DCAF12: variants seen among roughly 807,000 people sequenced by gnomAD.
DCAF12 encodes DDB1 and CUL4 associated factor 12.
In DCAF12, 28 loss-of-function variants were observed where a neutral mutation model predicts 52.8. The observed-to-expected ratio is 0.53, with a 90% CI of 0.39 to 0.73. The LOEUF (loss-of-function observed/expected upper bound fraction) is 0.73. DCAF12 is among the 30% of genes least tolerant of loss of function. The pLI, the probability that DCAF12 is intolerant of heterozygous loss-of-function variation, is 0.00. For missense variants in DCAF12, 425 were observed against 552.2 expected (o/e 0.77, Z 2.31); for synonymous variants, 196 against 215.5 (o/e 0.91, Z 0.79).
rs763341102 is a variant in DCAF12 at position 34,126,369 on chromosome 9, G to C, written c.63C>G (p.Asp21Glu). Residue 21 changes from aspartate (D) to glutamate (E), a missense_variant, in exon 1 of 9, where the codon GAC becomes GAG. By Grantham distance (45) the Asp-to-Glu change is conservative. This residue lies in a region of DCAF12 where 89 missense variants were observed against 84.9 expected (regional missense o/e 1.05). Transcript: ENST00000361264. ...CAACCCTCACCTGCGGGCCCTGAGC[G>C]TCGCTCCCAGCTCCCGGCGAGGCGG... ...KAPASPGAGS[D>E]AQGPQFGWDH... The C allele has an allele frequency of 5.0e-6, 8 of 1,612,320 alleles. No homozygotes were observed. The highest frequency in any genetic ancestry group is 2.2e-5 in the South Asian group (2 of 91,030).
intron 4 of DCAF12, among the ~76,000 whole-genome samples, chr9:34,104,863 A>T (rs1828880064): frequency 6.6e-6 from 1 of 150,632 alleles, no homozygotes; most frequent in Admixed American, 6.6e-5. Flanking sequence ...GGTTGCAGTG[A>T]GCCAAGATTG....
At chr9:34,099,175 C>CAA (rs1828788292) in intron 4 of DCAF12, among the ~76,000 whole-genome samples, 1 of 152,034 alleles carries the variant, frequency 6.6e-6, no homozygotes, top group African/African-American at 2.4e-5. Flanking sequence ...TCTAGCGATT[C>CAA]TCCTGCCTCA....
Position 34,126,449 on chromosome 9 carries a change from C to G in DCAF12, c.-18G>C. On this transcript the variant is annotated 5_prime_UTR_variant, in exon 1 of 9. Coordinates refer to ENST00000361264, the MANE Select transcript of DCAF12 (RefSeq NM_015397.4). Reference sequence around the variant, plus strand: ...CGGGCCATAGTGGGCAGCGCCGCCGCGGCCCCGCAGCCACATGGGGCGGGG... The same window carrying G: ...CGGGCCATAGTGGGCAGCGCCGCCGGGGCCCCGCAGCCACATGGGGCGGGG... The G allele has an allele frequency of 6.2e-7, 1 of 1,600,814 alleles. No individual in the cohort carries two copies. The highest frequency in any genetic ancestry group is 8.5e-7 in the Non-Finnish European group (1 of 1,178,342).
rs187633566 is a variant in DCAF12, at chr9:34,102,975, A to C, written c.601+3459T>G. On this transcript the variant is annotated intron_variant, in intron 4 of 8. Coordinates refer to ENST00000361264, the MANE Select transcript of DCAF12 (RefSeq NM_015397.4). ...TGCCTGTAGTCCCAGCTACTCAGGG[A>C]CAGGGGTGGGGTGCTGAGACAGGAG... is the stretch of plus-strand genomic sequence containing the variant. 3.5e-4 allele frequency among the ~76,000 whole-genome samples: 52 copies of C among 147,732 alleles called. 1 individual carries two copies. The highest frequency in any genetic ancestry group is 3.5e-3 in the Admixed American group (52 of 14,846).
chr9:34,123,247 A>G (rs1829202026), intron 2 of DCAF12, among the ~76,000 whole-genome samples: 4 of 152,200 alleles, frequency 2.6e-5, no homozygotes, highest in African/African-American at 9.6e-5. Flanking sequence ...ATCTTCACAC[A>G]TTATCCAAAG....
chr9:34,115,539 C>T (rs1478030483), intron 2 of DCAF12, among the ~76,000 whole-genome samples: 3 of 146,350 alleles, frequency 2.0e-5, no homozygotes, highest in African/African-American at 7.6e-5. Flanking sequence ...GCGGAGGTTG[C>T]AGTGAGCCGA....
chr9:34,122,256 C>T (rs1829186507), intron 2 of DCAF12, among the ~76,000 whole-genome samples: 1 of 152,146 alleles, frequency 6.6e-6, no homozygotes, highest in Non-Finnish European at 1.5e-5. Context: ...AAAGTTTACA[C>T]AACTCAAGCC....
In DCAF12 at chr9:34,107,441, G is replaced by T. The variant is rs753417804; in HGVS notation, c.458C>A (p.Thr153Lys). 6.2e-7 allele frequency: 1 copy of T among 1,614,182 alleles called. No homozygotes were observed. The highest frequency in any genetic ancestry group is 8.5e-7 in the Non-Finnish European group (1 of 1,180,038). Reference protein sequence around the residue: ...IHAIELNPSRTLLATGGDNPN... With the variant: ...IHAIELNPSRKLLATGGDNPN... ...GTTGTCTCCTCCAGTGGCTAGCAGTGTTCTAGAAGGATTCAGCTCGATGGC... is the reference window on the plus strand; with the variant it reads ...GTTGTCTCCTCCAGTGGCTAGCAGTTTTCTAGAAGGATTCAGCTCGATGGC... Residue 153 changes from threonine to lysine, a missense_variant, in exon 3 of 9, where the codon ACA becomes AAA. This residue lies in a region of DCAF12 where 328 missense variants were observed against 444.4 expected (regional missense o/e 0.74). Coordinates refer to ENST00000361264, the MANE Select transcript of DCAF12 (RefSeq NM_015397.4).
chr9:34,124,887 A>C, intron 2 of DCAF12, 136 bp downstream of exon 2: 1 of 1,137,094 alleles, frequency 8.8e-7, no homozygotes, highest in Non-Finnish European at 1.2e-6. Context: ...GAAGTCACCA[A>C]CGGGAAAGAA....
intron 2 of DCAF12, 139 bp downstream of exon 2, chr9:34,124,884 C>T: frequency 9.1e-7 from 1 of 1,101,204 alleles, no homozygotes; most frequent in Non-Finnish European, 1.3e-6. Context: ...GAAGAAGTCA[C>T]CAACGGGAAA....
At chr9:34,096,980 T>C (rs1457100254) in intron 5 of DCAF12, among the ~76,000 whole-genome samples, 199 bp from the exon 6 acceptor site, 1 of 152,062 alleles carries the variant, frequency 6.6e-6, no homozygotes, top group African/African-American at 2.4e-5. Flanking sequence ...CTGCCAGCAA[T>C]AACACAGGCA....
chr9:34,088,631 T>C (rs1447157181), intron 8 of DCAF12, 123 bp from the exon 9 acceptor site: 1 of 1,065,876 alleles, frequency 9.4e-7, no homozygotes, highest in Non-Finnish European at 1.4e-6. Context: ...TACAACCTCA[T>C]GTCAGGAGAT....
intron 7 of DCAF12, 59 bp downstream of exon 7, chr9:34,093,227 A>G: frequency 3.8e-6 from 6 of 1,596,024 alleles, no homozygotes; most frequent in Non-Finnish European, 5.1e-6. Context: ...AAAGAAACTG[A>G]AAGTCAGAAC....
rs376064347 is a variant in DCAF12 at position 34,107,470 on chromosome 9, G to A, written c.429C>T (p.Ile143=). 1.2e-6 allele frequency: 2 copies of A among 1,614,138 alleles called. No individual in the cohort carries two copies. The highest frequency in any genetic ancestry group is 1.7e-6 in the Non-Finnish European group (2 of 1,180,020). The change falls in exon 3 of 9, where the codon ATC becomes ATT. Residue 143 remains isoleucine, a synonymous_variant. Transcript: ENST00000361264. ...TAGAAGGATTCAGCTCGATGGCATG[G>A]ATACCACAGCCCTGCTGGGTCACAC... ...PGGVTQQGCG[I]HAIELNPSRT...
At position 34,116,537 on chromosome 9, in the gene DCAF12, T is replaced by C. The variant is rs966812841; in HGVS notation, c.333+8486A>G. On this transcript the variant is annotated intron_variant, in intron 2 of 8. Coordinates refer to ENST00000361264, the MANE Select transcript of DCAF12 (RefSeq NM_015397.4). ...TAAAAATACAAAAATTAGCCGGGCA[T>C]AGTAGTGCGTACCTGTAGTCCCAGC... Among the ~76,000 whole-genome samples, 4 of 151,748 alleles carry C rather than the reference T, an allele frequency of 2.6e-5. No homozygotes were observed. The South Asian group carries it at 8.3e-4, about 32-fold the overall frequency.
intron 3 of DCAF12, 149 bp downstream of exon 3, chr9:34,107,210 T>A: frequency 1.4e-6 from 1 of 711,190 alleles, no homozygotes; most frequent in South Asian, 1.7e-5. Flanking sequence ...GCCCCTGAGG[T>A]GTGCTGCTTG....
At chr9:34,114,065 G>C (rs1341047247) in intron 2 of DCAF12, among the ~76,000 whole-genome samples, 2 of 151,742 alleles carry the variant, frequency 1.3e-5, no homozygotes, top group Non-Finnish European at 2.9e-5. Context: ...CCGAGATCAT[G>C]CCACTGCACT....
chr9:34,087,696 CA>C lies in DCAF12; in HGVS notation c.*653del, dbSNP rs1378820077. 6.6e-6 allele frequency: 1 copy of C among 152,172 alleles called. No individual in the cohort carries two copies. The highest frequency in any genetic ancestry group is 2.4e-5 in the African/African-American group (1 of 41,442). 9.4% of individuals were successfully genotyped at this position (152,172 alleles called of 1,614,324 possible). On this transcript the variant is annotated 3_prime_UTR_variant, in exon 9 of 9. Transcript: ENST00000361264. ...TACAATCTAACTAAAAAGATTTTCCCAGTGGTAATTTCTTTTCCTTTCTGTT... is the reference window on the plus strand; with the variant it reads ...TACAATCTAACTAAAAAGATTTTCCCGTGGTAATTTCTTTTCCTTTCTGTT...
rs1229816509 is a variant in DCAF12 at position 34,126,442 on chromosome 9, G to A, written c.-11C>T. On this transcript the variant is annotated 5_prime_UTR_variant, in exon 1 of 9. Transcript: ENST00000361264. ...TACTTTCCGGGCCATAGTGGGCAGC[G>A]CCGCCGCGGCCCCGCAGCCACATGG... 1.9e-6 allele frequency: 3 copies of A among 1,602,118 alleles called. No individual in the cohort carries two copies. The highest frequency in any genetic ancestry group is 3.4e-5 in the Admixed American group (2 of 59,698).
Sources: allele counts gnomAD v4.1 joint callset (sites outside exome capture counted in the v4.1 genomes callset), GRCh38; gene constraint gnomAD v4.1.1; regional missense constraint gnomAD v4.1.1; transcripts MANE v1.5; gene names NCBI Gene and HGNC (gene_info 2026-07-23, HGNC 2026-07-21).